GAS2: variants seen among roughly 807,000 people sequenced by gnomAD.
GAS2 encodes the protein growth arrest specific 2.
GAS2 carries 20 observed loss-of-function variants against 37.5 expected under a neutral mutation model. The ratio of observed to expected loss-of-function variants is 0.53; its 90% CI spans 0.37 to 0.77. The LOEUF is 0.77. Ranked by LOEUF, GAS2 falls within the 30% of genes least tolerant of loss-of-function variation. The probability of loss-of-function intolerance (pLI) is 0.00; values close to 1 mark genes in which losing one functional copy is unlikely to be tolerated. For synonymous variants in GAS2, 144 were observed against 132.2 expected (o/e 1.09, Z -0.61); for missense variants, 336 against 373.4 (o/e 0.90, Z 0.82).
intron 3 of GAS2, among the ~76,000 whole-genome samples, chr11:22,712,926 A>G (rs1217239961): frequency 6.6e-6 from 1 of 151,926 alleles, no homozygotes; most frequent in Non-Finnish European, 1.5e-5. Flanking sequence ...AAAATACAAA[A>G]AAGTAGCCAG....
chr11:22,793,448 T>C (rs888445059), intron 7 of GAS2, among the ~76,000 whole-genome samples: 2 of 152,150 alleles, frequency 1.3e-5, no homozygotes, highest in Non-Finnish European at 2.9e-5. Context: ...TCAACTAGTA[T>C]AGTCTGGGCA....
chr11:22,688,728 AT>A (rs944223333), intron 3 of GAS2, among the ~76,000 whole-genome samples: 4 of 152,146 alleles, frequency 2.6e-5, no homozygotes, highest in African/African-American at 7.2e-5. Context: ...ATAAAGCTAA[AT>A]TTTTTTCTGA....
chr11:22,687,800 C>T (rs1850037709), intron 3 of GAS2, among the ~76,000 whole-genome samples: 1 of 152,122 alleles, frequency 6.6e-6, no homozygotes, highest in African/African-American at 2.4e-5. Flanking sequence ...TACAGTAAAG[C>T]AATGAACAGA....
chr11:22,795,370 A>G (rs7394689), intron 7 of GAS2, among the ~76,000 whole-genome samples: 151,712 of 152,152 alleles, frequency 1, 75,637 homozygotes, highest in East Asian at 1. Context: ...GCCATGCTGC[A>G]ATGGGGAAAG....
At chr11:22,773,086 G>T (rs1028302502) in intron 7 of GAS2, among the ~76,000 whole-genome samples, 2 of 152,094 alleles carry the variant, frequency 1.3e-5, no homozygotes, top group Admixed American at 1.3e-4. Context: ...GGCACCTAGG[G>T]CTGAAACACC....
At chr11:22,792,756 G>C (rs1260976764) in intron 7 of GAS2, among the ~76,000 whole-genome samples, 4 of 152,196 alleles carry the variant, frequency 2.6e-5, no homozygotes, top group Non-Finnish European at 5.9e-5. Flanking sequence ...TCTGAAGCAA[G>C]GGTGGATAGA....
intron 1 of GAS2, 190 bp from the exon 2 acceptor site, chr11:22,674,660 C>G (rs997028480): frequency 5.5e-5 from 20 of 364,020 alleles, no homozygotes; most frequent in Admixed American, 3.2e-4. Context: ...TGCTGTTTTC[C>G]TACTAAGTGT....
In GAS2 at chr11:22,740,926, A is replaced by C. The variant is rs189249402; in HGVS notation, c.473+3158A>C. Among the ~76,000 whole-genome samples, 159 of 152,334 alleles carry C rather than the reference A, an allele frequency of 1.0e-3. 1 individual carries two copies. The highest frequency in any genetic ancestry group is 3.4e-3 in the Middle Eastern group (1 of 294). The stretch of plus-strand genomic sequence containing the variant: ...TTGCACACAGAGCAGATGAGTTTAG[A>C]CCTTAATGAAGTCTCCAGTACAATC... On this transcript the variant is annotated intron_variant, in intron 5 of 7. Transcript: ENST00000454584.
At chr11:22,792,553 A>T (rs1460985461) in intron 7 of GAS2, among the ~76,000 whole-genome samples, 1 of 152,250 alleles carries the variant, frequency 6.6e-6, no homozygotes, top group African/African-American at 2.4e-5. Context: ...AAGAGCAAAG[A>T]GTCAACATGG....
At chr11:22,664,819 TAAA>T (rs1848958110), upstream of GAS2, among the ~76,000 whole-genome samples, 1 of 152,062 alleles carries the variant, frequency 6.6e-6, no homozygotes, top group Admixed American at 6.5e-5. Context: ...AAAATTAAAA[TAAA>T]AACACTGTAT....
At chr11:22,646,657 G>A (rs1848698584) in intron 1 of GAS2, among the ~76,000 whole-genome samples, 1 of 152,176 alleles carries the variant, frequency 6.6e-6, no homozygotes, top group African/African-American at 2.4e-5. Flanking sequence ...GAAACAGAGA[G>A]CCATATGACA....
At chr11:22,746,195 C>G (rs545023747) in intron 5 of GAS2, among the ~76,000 whole-genome samples, 1 of 151,936 alleles carries the variant, frequency 6.6e-6, no homozygotes, top group Non-Finnish European at 1.5e-5. Flanking sequence ...AACAAACAAA[C>G]AAACAAACAA....
At chr11:22,652,692 C>T (rs999415351) in intron 1 of GAS2, among the ~76,000 whole-genome samples, 7 of 152,176 alleles carry the variant, frequency 4.6e-5, no homozygotes, top group Admixed American at 1.3e-4. Context: ...TTCCAGGTGC[C>T]GTCTGTCACC....
intron 1 of GAS2, among the ~76,000 whole-genome samples, chr11:22,654,003 A>T (rs1276233768): frequency 6.6e-6 from 1 of 152,188 alleles, no homozygotes; most frequent in African/African-American, 2.4e-5. Flanking sequence ...CAGGCACCAG[A>T]TATGTGAATG....
chr11:22,796,778 G>C (rs1055717892), intron 7 of GAS2, among the ~76,000 whole-genome samples: 4 of 151,954 alleles, frequency 2.6e-5, no homozygotes, highest in Non-Finnish European at 5.9e-5. Flanking sequence ...ACTTATTCTA[G>C]CCTGTTTGTT....
At chr11:22,660,147 A>G (rs1353996882) in intron 1 of GAS2, among the ~76,000 whole-genome samples, 1 of 152,206 alleles carries the variant, frequency 6.6e-6, no homozygotes, top group African/African-American at 2.4e-5. Context: ...AAAGCAGGGA[A>G]TGTGACTTCA....
intron 1 of GAS2, among the ~76,000 whole-genome samples, chr11:22,674,215 A>AT (rs10532254): frequency 3.3e-5 from 5 of 150,804 alleles, no homozygotes; most frequent in Admixed American, 2.6e-4. Context: ...CTATTTTTTT[A>AT]TTTTTTTTTT....
chr11:22,725,074 T>G (rs1184031340), intron 3 of GAS2, among the ~76,000 whole-genome samples: 1 of 152,082 alleles, frequency 6.6e-6, no homozygotes, highest in African/African-American at 2.4e-5. Flanking sequence ...AAGTCCTATG[T>G]AGCCCAGTTC....
chr11:22,753,180 CAA>C (rs1261683104), intron 6 of GAS2, among the ~76,000 whole-genome samples: 2 of 151,846 alleles, frequency 1.3e-5, no homozygotes, highest in African/African-American at 4.8e-5. Context: ...GGTTCCTAGC[CAA>C]AAAAGAACAC....
Sources: gnomAD v4.1 joint callset for allele counts (sites outside exome capture counted in the v4.1 genomes callset) on GRCh38, gnomAD v4.1.1 for gene constraint, MANE v1.5 for transcripts, NCBI Gene and HGNC (gene_info 2026-07-23, HGNC 2026-07-21) for gene names.